Variants in PIK3CB observed in about 807,000 individuals in gnomAD.
PIK3CB encodes phosphatidylinositol-4,5-bisphosphate 3-kinase catalytic subunit beta, also known as phosphatidylinositol 4,5-bisphosphate 3-kinase catalytic subunit beta isoform.
Under a neutral mutation model 136.8 loss-of-function variants are expected in PIK3CB, and 39 were observed. The observed-to-expected ratio is 0.29, with a 90% CI of 0.22 to 0.37. The LOEUF is 0.37. Among genes scored for constraint, PIK3CB ranks in the 10% least tolerant of loss-of-function variants. PIK3CB has a pLI of 1.00. For synonymous variants in PIK3CB, 428 were observed against 436.6 expected (o/e 0.98, Z 0.25); for missense variants, 868 against 1,275.4 (o/e 0.68, Z 4.87).
intron 8 of PIK3CB, among the ~76,000 whole-genome samples, chr3:138,728,962 G>A (rs1164133294): frequency 6.6e-6 from 1 of 152,076 alleles, no homozygotes; most frequent in African/African-American, 2.4e-5. Context: ...CTTAATGAAT[G>A]CTGTCCTTTA....
intron 1 of PIK3CB, among the ~76,000 whole-genome samples, chr3:138,807,559 A>C (rs1461022188): frequency 6.6e-6 from 1 of 152,166 alleles, no homozygotes; most frequent in Non-Finnish European, 1.5e-5. Flanking sequence ...ACTATGGTAC[A>C]TCCACATAAC....
chr3:138,662,065 T>A lies in PIK3CB; in HGVS notation c.2796+1841A>T, dbSNP rs148359985. ...AGGTATGATGTTCTAAAAGAGAAAATAACTCAAGTGGGGTTCATCCCAACT... is the reference window on the plus strand; with the variant it reads ...AGGTATGATGTTCTAAAAGAGAAAAAAACTCAAGTGGGGTTCATCCCAACT... On this transcript the variant is annotated intron_variant, in intron 21 of 23. Coordinates refer to ENST00000674063, the MANE Select transcript of PIK3CB (RefSeq NM_006219.3). Among the ~76,000 whole-genome samples the A allele has an allele frequency of 5.3e-3, 807 of 151,600 alleles. 14 individuals are homozygous for A. Among genetic ancestry groups the A allele is most frequent in the African/African-American group, 0.018 (763 of 41,354 alleles).
intron 1 of PIK3CB, among the ~76,000 whole-genome samples, chr3:138,829,500 A>G (rs1051050470): frequency 6.6e-6 from 1 of 152,178 alleles, no homozygotes; most frequent in African/African-American, 2.4e-5. Flanking sequence ...TAAAATTTAG[A>G]GTGTGCTCAA....
intron 14 of PIK3CB, among the ~76,000 whole-genome samples, chr3:138,693,956 TATATATATATTA>T (rs1464169795): frequency 5.6e-5 from 2 of 35,940 alleles, no homozygotes; most frequent in Non-Finnish European, 8.3e-5. Context: ...TATATATATA[TATATATATATTA>T]TATATATATA....
intron 1 of PIK3CB, chr3:138,826,219 C>T (rs1933776702): frequency 6.9e-7 from 1 of 1,449,052 alleles, no homozygotes; most frequent in African/African-American, 1.4e-5. Flanking sequence ...CATTTTGCTG[C>T]TCGTGATATG....
intron 19 of PIK3CB, 58 bp from the exon 20 acceptor site, chr3:138,665,261 G>T: frequency 3.1e-6 from 4 of 1,294,032 alleles, no homozygotes; most frequent in African/African-American, 3.0e-5. Flanking sequence ...ACATTAATTT[G>T]GTAAGATTTT....
At position 138,686,603 on chromosome 3, in the gene PIK3CB, A is replaced by C. The variant is rs114314316; in HGVS notation, c.2137-1800T>G. Among the ~76,000 whole-genome samples, 484 of 152,330 alleles carry C rather than the reference A, an allele frequency of 3.2e-3. 2 individuals carry two copies. Among genetic ancestry groups the C allele is most frequent in the African/African-American group, 0.011 (464 of 41,580 alleles). On this transcript the variant is annotated intron_variant, in intron 16 of 23. Coordinates refer to ENST00000674063, the MANE Select transcript of PIK3CB (RefSeq NM_006219.3). ...CAAGTATATCATTAAAACTGGAAAA[A>C]ACAAATGTTAAAAATAGAATTAAAA...
intron 7 of PIK3CB, 69 bp from the exon 8 acceptor site, chr3:138,733,507 A>G (rs1397198406): frequency 2.6e-6 from 2 of 783,704 alleles, no homozygotes; most frequent in East Asian, 2.7e-5. Context: ...TAGCAATGCA[A>G]TTGTCATCAG....
chr3:138,754,207 C>A (rs566348985), intron 4 of PIK3CB, among the ~76,000 whole-genome samples: 20 of 152,188 alleles, frequency 1.3e-4, no homozygotes, highest in African/African-American at 4.6e-4. Context: ...AAGGCTGAGG[C>A]AGGCAGACAG....
At chr3:138,745,913 A>AT (rs919921724) in intron 4 of PIK3CB, among the ~76,000 whole-genome samples, 31 of 151,972 alleles carry the variant, frequency 2.0e-4, no homozygotes, top group African/African-American at 7.2e-4. Flanking sequence ...CCTTTGTGGC[A>AT]TTTTTTTTCT....
At chr3:138,744,929 C>G (rs570221232) in intron 4 of PIK3CB, among the ~76,000 whole-genome samples, 14 of 152,330 alleles carry the variant, frequency 9.2e-5, no homozygotes, top group African/African-American at 2.9e-4. Flanking sequence ...TCTTGAAACC[C>G]TTCACCACCA....
chr3:138,663,815 A>G, intron 21 of PIK3CB, 91 bp downstream of exon 21: 1 of 1,331,988 alleles, frequency 7.5e-7, no homozygotes, highest in Non-Finnish European at 1.0e-6. Context: ...TAAGAATCAC[A>G]AAAGAATCTG....
At chr3:138,778,004 A>G in intron 2 of PIK3CB, 1 of 394,900 alleles carries the variant, frequency 2.5e-6, no homozygotes, top group East Asian at 6.5e-5. Flanking sequence ...TGGCACAGTC[A>G]AGGCTGAGAA....
intron 6 of PIK3CB, among the ~76,000 whole-genome samples, chr3:138,737,131 G>A (rs1390463394): frequency 6.6e-6 from 1 of 152,076 alleles, no homozygotes; most frequent in African/African-American, 2.4e-5. Context: ...GCTTATGGCT[G>A]TAATCTCAGC....
intron 11 of PIK3CB, among the ~76,000 whole-genome samples, chr3:138,706,916 A>G (rs2044389654): frequency 6.6e-6 from 1 of 152,176 alleles, no homozygotes; most frequent in Admixed American, 6.5e-5. Flanking sequence ...TCGGGCTCCC[A>G]AAGTGCTGGG....
intron 2 of PIK3CB, among the ~76,000 whole-genome samples, chr3:138,774,814 G>A (rs1356224056): frequency 1.3e-5 from 2 of 152,160 alleles, no homozygotes. Flanking sequence ...CACTATTCCA[G>A]GCTTTGAATT....
rs11288177 is a variant in PIK3CB, at chr3:138,687,228, C to CA, written c.2136+1646dup. ...AGTCTTCCTCTCACAATTCATCAAT[C>CA]AAAAAAAAAAAAAAACAGGAGTTAG... On this transcript the variant is annotated intron_variant, in intron 16 of 23. Transcript: ENST00000674063. 2.9e-3 allele frequency among the ~76,000 whole-genome samples: 414 copies of CA among 142,424 alleles called. 1 individual carries two copies. Among genetic ancestry groups the CA allele is most frequent in the Middle Eastern group, 7.6e-3 (2 of 262 alleles). 93.4% of individuals were successfully genotyped at this position (142,424 alleles called of 152,430 possible). A position where few individuals can be genotyped will look rare whatever the true frequency, so the allele number is the denominator to read the frequency against.
chr3:138,713,365 T>C (rs551553937), intron 9 of PIK3CB, among the ~76,000 whole-genome samples: 1 of 151,940 alleles, frequency 6.6e-6, no homozygotes, highest in East Asian at 2.0e-4. Context: ...GATGCTTATA[T>C]TCCCATGTTA....
chr3:138,830,903 A>AAATAAT (rs373908245), intron 1 of PIK3CB, among the ~76,000 whole-genome samples: 11,500 of 136,832 alleles, frequency 0.084, 534 homozygotes, highest in Middle Eastern at 0.14. Context: ...CTCCGTCTCA[A>AAATAAT]AATAATAATA....
Sources: gnomAD v4.1 joint callset for allele counts (sites outside exome capture counted in the v4.1 genomes callset) on GRCh38, gnomAD v4.1.1 for gene constraint, MANE v1.5 for transcripts, NCBI Gene and HGNC (gene_info 2026-07-23, HGNC 2026-07-21) for gene names.